The following MRC2 variants were observed in gnomAD, a reference collection of about 807,000 sequenced individuals.
MRC2 encodes the protein mannose receptor C-type 2, also known as C-type mannose receptor 2.
Under a neutral mutation model 206.2 loss-of-function variants are expected in MRC2, and 84 were observed. The observed-to-expected ratio is 0.41, with a 90% confidence interval of 0.34 to 0.49. The LOEUF is 0.49. MRC2 is among the 20% of genes least tolerant of loss of function. The pLI is 0.31. For synonymous variants in MRC2, 798 were observed against 800.0 expected (o/e 1.00, Z 0.04); for missense variants, 1,676 against 2,001.5 (o/e 0.84, Z 3.10).
At position 62,627,732 on chromosome 17, in the gene MRC2, C is replaced by T. The variant is rs1365941640; in HGVS notation, c.-71C>T. The T allele has an allele frequency of 4.0e-6, 5 of 1,234,608 alleles. No homozygotes were observed. The highest frequency in any genetic ancestry group is 5.2e-6 in the Non-Finnish European group (5 of 955,146). The allele number at this position is 1,234,608 out of a possible 1,614,324, so 76.5% of individuals were successfully genotyped here. ...TTGCGGGCGGTCATCACAGCCCAGC[C>T]TCGGGGCTGCCACAGCGCGTTGCGC... On this transcript the variant is annotated 5_prime_UTR_variant, in exon 1 of 30. Transcript: ENST00000303375.
Position 62,667,454 on chromosome 17 carries a change from G to A in MRC2, c.1038G>A (p.Trp346Ter), listed in dbSNP as rs1296396156. 1.2e-6 allele frequency: 2 copies of A among 1,612,782 alleles called. No individual in the cohort carries two copies. Reference protein sequence around the residue: ...GVIRTESSGGWQNRDCSIALP... With the variant: ...GVIRTESSGG Reference sequence around the variant, plus strand: ...TCCGCACTGAGTCCTCGGGCGGCTGGCAGAACCGTGACTGCAGCATCGCGC... The same window carrying A: ...TCCGCACTGAGTCCTCGGGCGGCTGACAGAACCGTGACTGCAGCATCGCGC... The change falls in exon 6 of 30, where the codon TGG becomes TGA. Residue 346 changes from tryptophan to a stop codon, truncating the protein, a stop_gained. Transcript: ENST00000303375. LOFTEE classifies it high-confidence loss of function. This position sits in a 1 kb window ranked among gnomAD's most constrained non-coding sequence, Gnocchi z 4.1.
chr17:62,648,917 T>C (rs2460298), intron 1 of MRC2, among the ~76,000 whole-genome samples: 100,285 of 152,068 alleles, frequency 0.66, 33,270 homozygotes, highest in East Asian at 0.81. Context: ...TGGGCAGAGG[T>C]TCTTGCTTAA....
In MRC2 at chr17:62,667,019, C is replaced by G. The variant is rs147158151; in HGVS notation, c.973+149C>G. 4 of 688,734 alleles carry G rather than the reference C, an allele frequency of 5.8e-6. No individual in the cohort carries two copies. The highest frequency in any genetic ancestry group is 5.4e-5 in the African/African-American group (3 of 55,702). 42.7% of individuals were successfully genotyped at this position (688,734 alleles called of 1,614,324 possible). ...CACCCCCCTCCCCAGACTGCGCCCC[C>G]CTAGCCCATGTAGGGCGGCGCTGCC... On this transcript the variant is annotated intron_variant, in intron 5 of 29. Transcript: ENST00000303375. The surrounding 1 kb of genome is among the most constrained non-coding windows in gnomAD (Gnocchi z 4.1).
chr17:62,654,776 T>G (rs2088597348), intron 1 of MRC2, among the ~76,000 whole-genome samples: 2 of 152,210 alleles, frequency 1.3e-5, no homozygotes, highest in South Asian at 4.1e-4. Context: ...CAGTTGCCCA[T>G]GAGCACAGGC....
rs1428809347 is a variant in MRC2, at chr17:62,692,162, G to A, written c.4219+24G>A. On this transcript the variant is annotated intron_variant, in intron 29 of 29. Coordinates refer to ENST00000303375, the MANE Select transcript of MRC2 (RefSeq NM_006039.5). This position sits in a 1 kb window ranked among gnomAD's most constrained non-coding sequence, Gnocchi z 4.2. ...AGGTGAGTGAAAGGCAATGCCCCCA[G>A]GTGGGCAGGCAGGAAGCACTGCTGG... 1.9e-6 allele frequency: 3 copies of A among 1,614,182 alleles called. No homozygotes were observed. Among genetic ancestry groups the A allele is most frequent in the Middle Eastern group, 3.3e-4 (2 of 6,062 alleles).
chr17:62,667,001 CT>C lies in MRC2; in HGVS notation c.973+132del. On this transcript the variant is annotated intron_variant, in intron 5 of 29. Coordinates refer to ENST00000303375, the MANE Select transcript of MRC2 (RefSeq NM_006039.5). This position sits in a 1 kb window ranked among gnomAD's most constrained non-coding sequence, Gnocchi z 4.1. ...AGGGGAAGCACCGACCTCCACCCCC[CT>C]CCCCAGACTGCGCCCCCCTAGCCCA... is the stretch of plus-strand genomic sequence containing the variant. 1.4e-6 allele frequency: 1 copy of C among 732,018 alleles called. No homozygotes were observed. The highest frequency in any genetic ancestry group is 2.3e-6 in the Non-Finnish European group (1 of 434,234). The allele number at this position is 732,018 out of a possible 1,614,324, so 45.3% of individuals were successfully genotyped here.
chr17:62,678,807 C>G (rs2088926012), intron 13 of MRC2, among the ~76,000 whole-genome samples, 161 bp downstream of exon 13: 1 of 152,188 alleles, frequency 6.6e-6, no homozygotes, highest in Admixed American at 6.5e-5. Flanking sequence ...ACCATCTTGT[C>G]CTCACTCAAG....
intron 1 of MRC2, among the ~76,000 whole-genome samples, chr17:62,655,027 T>C (rs2088599739): frequency 6.6e-6 from 1 of 152,224 alleles, no homozygotes; most frequent in South Asian, 2.1e-4. Context: ...GGCTCACACC[T>C]GTAATCCCAG....
rs769806059 is a variant in MRC2 at position 62,664,905 on chromosome 17, G to A, written c.476G>A (p.Arg159His). ...RGDQTRSGQW[R>H]IYGSEEDLCA... ...GACCAGACCCGCAGTGGCCAGTGGC[G>A]CATCTACGGCAGCGAGGAGGACCTA... Residue 159 changes from arginine to histidine, a missense_variant, in exon 2 of 30, where the codon CGC becomes CAC. Arg to His is a conservative substitution (Grantham distance 29, BLOSUM62 0). Transcript: ENST00000303375. This position sits in a 1 kb window ranked among gnomAD's most constrained non-coding sequence, Gnocchi z 4.7. 15 of 1,612,604 alleles carry A rather than the reference G, an allele frequency of 9.3e-6. No individual in the cohort carries two copies. Among genetic ancestry groups the A allele is most frequent in the East Asian group, 2.2e-5 (1 of 44,888 alleles).
intron 20 of MRC2, among the ~76,000 whole-genome samples, chr17:62,685,769 T>C (rs759197504): frequency 6.6e-5 from 10 of 152,216 alleles, no homozygotes; most frequent in Non-Finnish European, 1.0e-4. Context: ...TTTGAACTTC[T>C]GGGCTCAAGC....
chr17:62,691,132 A>C lies in MRC2; in HGVS notation c.4192+4A>C, dbSNP rs1265539992. Reference sequence around the variant, plus strand: ...GTCGTCTGCAAGCTTCCTCGTGGTGAGCGCCGGGCAGGCCCACGCTCAGCC... The same window carrying C: ...GTCGTCTGCAAGCTTCCTCGTGGTGCGCGCCGGGCAGGCCCACGCTCAGCC... On this transcript the variant is annotated splice_donor_region_variant and intron_variant, in intron 28 of 29. Transcript: ENST00000303375. 6.3e-7 allele frequency: 1 copy of C among 1,596,076 alleles called. No homozygotes were observed. The highest frequency in any genetic ancestry group is 2.3e-5 in the East Asian group (1 of 44,112).
intron 1 of MRC2, among the ~76,000 whole-genome samples, chr17:62,645,828 C>T (rs781750202): frequency 1.7e-4 from 25 of 151,512 alleles, no homozygotes; most frequent in Non-Finnish European, 2.8e-4. Flanking sequence ...GTGTGAGCCA[C>T]CGCACCTGGC....
intron 6 of MRC2, among the ~76,000 whole-genome samples, chr17:62,668,847 T>C (rs924531919): frequency 6.6e-6 from 1 of 152,164 alleles, no homozygotes; most frequent in Non-Finnish European, 1.5e-5. Flanking sequence ...TGCCCCTTAC[T>C]GCTGTGTGGC....
At position 62,690,072 on chromosome 17, in the gene MRC2, C is replaced by G; in HGVS notation, c.3742+10C>G. ...TGTGGGGTTAGCAGTGGTGAGTGCC[C>G]ACCTGCCAGGGCGGGGGCATGGGCA... On this transcript the variant is annotated intron_variant, in intron 25 of 29. Transcript: ENST00000303375. 6.3e-7 allele frequency: 1 copy of G among 1,588,390 alleles called. No homozygotes were observed. Among genetic ancestry groups the G allele is most frequent in the Non-Finnish European group, 8.6e-7 (1 of 1,165,504 alleles).
At chr17:62,658,533 T>C (rs2088644209) in intron 1 of MRC2, among the ~76,000 whole-genome samples, 1 of 152,198 alleles carries the variant, frequency 6.6e-6, no homozygotes, top group Admixed American at 6.5e-5. Flanking sequence ...GGCCTGACCC[T>C]GGGAAAAGCC....
At position 62,627,714 on chromosome 17, in the gene MRC2, C is replaced by T; in HGVS notation, c.-89C>T. The T allele has an allele frequency of 1.0e-6, 1 of 965,758 alleles. No individual in the cohort carries two copies. Among genetic ancestry groups the T allele is most frequent in the Non-Finnish European group, 1.4e-6 (1 of 719,846 alleles). The allele number at this position is 965,758 out of a possible 1,614,324, so 59.8% of individuals were successfully genotyped here. ...GAGGAGGACGCGAGCCCCTTGCGGG[C>T]GGTCATCACAGCCCAGCCTCGGGGC... On this transcript the variant is annotated 5_prime_UTR_variant, in exon 1 of 30. Coordinates refer to ENST00000303375, the MANE Select transcript of MRC2 (RefSeq NM_006039.5).
At position 62,627,734 on chromosome 17, in the gene MRC2, C is replaced by T; in HGVS notation, c.-69C>T. 8.1e-7 allele frequency: 1 copy of T among 1,240,426 alleles called. No homozygotes were observed. The highest frequency in any genetic ancestry group is 1.0e-6 in the Non-Finnish European group (1 of 960,266). 76.8% of individuals were successfully genotyped at this position (1,240,426 alleles called of 1,614,324 possible). A position where few individuals can be genotyped will look rare whatever the true frequency, so the allele number is the denominator to read the frequency against. On this transcript the variant is annotated 5_prime_UTR_variant, in exon 1 of 30. Transcript: ENST00000303375. ...GCGGGCGGTCATCACAGCCCAGCCTCGGGGCTGCCACAGCGCGTTGCGCCT... is the reference window on the plus strand; with the variant it reads ...GCGGGCGGTCATCACAGCCCAGCCTTGGGGCTGCCACAGCGCGTTGCGCCT...
At chr17:62,670,255 C>T (rs1218417237) in intron 6 of MRC2, among the ~76,000 whole-genome samples, 1 of 152,240 alleles carries the variant, frequency 6.6e-6, no homozygotes, top group Non-Finnish European at 1.5e-5. Context: ...CCAAAGCATC[C>T]ACATTTCCCA....
intron 1 of MRC2, among the ~76,000 whole-genome samples, chr17:62,661,186 C>T (rs977575224): frequency 2.8e-4 from 43 of 152,228 alleles, no homozygotes; most frequent in African/African-American, 8.9e-4. Context: ...GAGATCAGGC[C>T]GTTAGACAGG....
Sources: gnomAD v4.1 joint callset for allele counts (sites outside exome capture counted in the v4.1 genomes callset) on GRCh38, gnomAD v4.1.1 for gene constraint, Gnocchi (gnomAD v3.1) non-coding constraint, MANE v1.5 for transcripts, NCBI Gene and HGNC (gene_info 2026-07-23, HGNC 2026-07-21) for gene names.